Variants in NLRC5 observed in about 807,000 individuals in gnomAD.
NLRC5 encodes NLR family CARD domain containing 5, also known as protein NLRC5.
In NLRC5, 114 loss-of-function variants were observed where a neutral mutation model predicts 206.9. That is an observed-to-expected ratio of 0.55 (90% CI 0.47 to 0.64). The LOEUF (loss-of-function observed/expected upper bound fraction) is 0.64. Ranked by LOEUF, NLRC5 falls within the 30% of genes least tolerant of loss-of-function variation. The pLI is 0.00. For missense variants in NLRC5, 2,008 were observed against 2,305.5 expected (o/e 0.87, Z 2.64); for synonymous variants, 952 against 962.8 (o/e 0.99, Z 0.21).
chr16:56,992,516 G>C (rs1359677050), intron 1 of NLRC5: 1 of 149,912 alleles, frequency 6.7e-6, no homozygotes, highest in African/African-American at 2.5e-5. Flanking sequence ...TCACTCTGTT[G>C]CCTAGGCTGG....
At chr16:57,067,358 A>G (rs778888825) in intron 34 of NLRC5, 29 bp from the exon 35 acceptor site, 1 of 1,604,868 alleles carries the variant, frequency 6.2e-7, no homozygotes, top group East Asian at 2.2e-5. Context: ...TAGATGTTCC[A>G]AAACTGTCGT....
At chr16:57,009,379 G>T (rs984002710) in intron 1 of NLRC5, among the ~76,000 whole-genome samples, 1 of 152,020 alleles carries the variant, frequency 6.6e-6, no homozygotes, top group Non-Finnish European at 1.5e-5. Context: ...GGATCACAAG[G>T]TTAGGAGATC....
rs188276252 is a variant in NLRC5, at chr16:57,069,363, G to A, written c.4500-473G>A. ...TGTAATCCCAGCACTCTGGGAGGCC[G>A]AGGAGGAAAAATCGCTTGAGCCCGG... On this transcript the variant is annotated intron_variant, in intron 36 of 48. Coordinates refer to ENST00000688547, the MANE Select transcript of NLRC5 (RefSeq NM_001384950.1). Among the ~76,000 whole-genome samples, 340 of 152,222 alleles carry A rather than the reference G, an allele frequency of 2.2e-3. 2 individuals are homozygous for A. Among genetic ancestry groups the A allele is most frequent in the Non-Finnish European group, 2.4e-3 (160 of 68,010 alleles).
chr16:57,061,889 C>A lies in NLRC5; in HGVS notation c.4154+188C>A, dbSNP rs780452560. 9.8e-6 allele frequency: 15 copies of A among 1,534,846 alleles called. No homozygotes were observed. In the South Asian group the frequency reaches 1.8e-4, roughly 18 times the overall value. On this transcript the variant is annotated intron_variant, in intron 32 of 48. Transcript: ENST00000688547. ...TCCACAAGGCACACAGAGAAACTGT[C>A]CTTCCCCACACTGGAGGCCTGTGCT...
chr16:57,037,353 T>G, intron 15 of NLRC5, 69 bp downstream of exon 15: 1 of 1,435,314 alleles, frequency 7.0e-7, no homozygotes, highest in South Asian at 1.1e-5. Flanking sequence ...CCCTTGGAAT[T>G]CCTTCTGGGC....
chr16:57,022,344 G>GGGGT, intron 4 of NLRC5, 29 bp downstream of exon 4: 1 of 1,594,924 alleles, frequency 6.3e-7, no homozygotes, highest in Non-Finnish European at 8.6e-7. Flanking sequence ...GGGTGGGAAG[G>GGGGT]GGGTGGTGAG....
chr16:57,028,257 T>A, intron 7 of NLRC5, 45 bp from the exon 8 acceptor site: 1 of 1,591,798 alleles, frequency 6.3e-7, no homozygotes, highest in Non-Finnish European at 8.6e-7. Flanking sequence ...GGCCCCGCCC[T>A]TTTCCCCTCC....
At chr16:57,041,743 G>C (rs1202349889) in intron 18 of NLRC5, among the ~76,000 whole-genome samples, 169 bp downstream of exon 18, 2 of 152,154 alleles carry the variant, frequency 1.3e-5, no homozygotes. Flanking sequence ...CCAAGATACA[G>C]ATCCCCCATG....
chr16:57,076,753 T>G (rs2068451579), intron 39 of NLRC5, 66 bp from the exon 40 acceptor site: 20 of 1,461,816 alleles, frequency 1.4e-5, no homozygotes, highest in Non-Finnish European at 1.8e-5. Flanking sequence ...GTAGAGTTCT[T>G]AGCACAGCAC....
intron 20 of NLRC5, among the ~76,000 whole-genome samples, chr16:57,044,571 C>T (rs1382839650): frequency 1.3e-5 from 2 of 152,028 alleles, no homozygotes; most frequent in African/African-American, 4.8e-5. Flanking sequence ...CAGAGCAGGT[C>T]CCAGAGCCTC....
chr16:57,035,433 C>T (rs1423017862), intron 13 of NLRC5, among the ~76,000 whole-genome samples: 1 of 152,170 alleles, frequency 6.6e-6, no homozygotes, highest in Non-Finnish European at 1.5e-5. Flanking sequence ...TGGTCCAGAA[C>T]CCTGCCCCCA....
At chr16:57,058,500 T>C in intron 28 of NLRC5, 1 of 346,702 alleles carries the variant, frequency 2.9e-6, no homozygotes, top group Non-Finnish European at 5.4e-6. Context: ...ATCCCGTCCC[T>C]GAAATTCTTC....
At chr16:57,043,883 ATTT>A in intron 20 of NLRC5, 3 of 386,524 alleles carry the variant, frequency 7.8e-6, no homozygotes, top group Non-Finnish European at 1.4e-5. Flanking sequence ...GTCCTTAGAG[ATTT>A]TTTTTTTTAG....
chr16:57,032,260 C>A (rs1216802508), intron 11 of NLRC5, among the ~76,000 whole-genome samples: 1 of 151,574 alleles, frequency 6.6e-6, no homozygotes, highest in Non-Finnish European at 1.5e-5. Context: ...AAAAGGCAGG[C>A]GTGGTGGTGC....
chr16:57,026,631 C>T lies in NLRC5; in HGVS notation c.1688C>T (p.Thr563Ile). ...CTGGGCCTCTCAGACCACCTCCCCACCTTCCTGGCGGGCCTGGCATCCTGC... is the reference window on the plus strand; with the variant it reads ...CTGGGCCTCTCAGACCACCTCCCCATCTTCCTGGCGGGCCTGGCATCCTGC... Reference protein sequence around the residue: ...ARLGLSDHLPTFLAGLASCTC... With the variant: ...ARLGLSDHLPIFLAGLASCTC... The change falls in exon 6 of 49, where the codon ACC becomes ATC. Residue 563 changes from threonine (T) to isoleucine (I), a missense_variant. Coordinates refer to ENST00000688547, the MANE Select transcript of NLRC5 (RefSeq NM_001384950.1). 2.5e-6 allele frequency: 4 copies of T among 1,614,230 alleles called. No individual in the cohort carries two copies. The highest frequency in any genetic ancestry group is 3.4e-6 in the Non-Finnish European group (4 of 1,180,044).
intron 15 of NLRC5, 40 bp downstream of exon 15, chr16:57,037,324 CA>C: frequency 6.5e-7 from 1 of 1,542,304 alleles, no homozygotes; most frequent in Non-Finnish European, 8.9e-7. Context: ...TCCCCCCCCC[CA>C]TCATGCTCTC....
intron 16 of NLRC5, among the ~76,000 whole-genome samples, chr16:57,040,120 G>C (rs568219906): frequency 2.0e-5 from 3 of 152,236 alleles, no homozygotes; most frequent in Non-Finnish European, 4.4e-5. Flanking sequence ...GCCAGAGGGG[G>C]ATTCCGGGAG....
In NLRC5 at chr16:57,054,819, G is replaced by C. The variant is rs773890385; in HGVS notation, c.3575G>C (p.Arg1192Pro). The change falls in exon 25 of 49, where the codon CGG (arginine) becomes CCG (proline). Residue 1192 changes from arginine to proline, a missense_variant. By Grantham distance (103) the Arg-to-Pro change is moderately radical. Transcript: ENST00000688547. Reference protein sequence around the residue: ...LLANTLSLCPRVKKVDLRSLH... With the variant: ...LLANTLSLCPPVKKVDLRSLH... ...GCCAACACCTTAAGCCTGTGTCCACGGGTTAAAAAGGTGGATCTCAGGTGG... is the reference window on the plus strand; with the variant it reads ...GCCAACACCTTAAGCCTGTGTCCACCGGTTAAAAAGGTGGATCTCAGGTGG... 3 of 1,614,082 alleles carry C rather than the reference G, an allele frequency of 1.9e-6. No individual in the cohort carries two copies. Among genetic ancestry groups the C allele is most frequent in the Non-Finnish European group, 1.7e-6 (2 of 1,180,028 alleles).
chr16:57,074,838 T>G (rs539090434), intron 39 of NLRC5, among the ~76,000 whole-genome samples, 155 bp downstream of exon 39: 2 of 152,236 alleles, frequency 1.3e-5, no homozygotes, highest in South Asian at 4.1e-4. Flanking sequence ...GGGTGCCCAC[T>G]GCTCTTGCCT....
Sources: gnomAD v4.1 joint callset for allele counts (sites outside exome capture counted in the v4.1 genomes callset) on GRCh38, gnomAD v4.1.1 for gene constraint, MANE v1.5 for transcripts, NCBI Gene and HGNC (gene_info 2026-07-23, HGNC 2026-07-21) for gene names.